The following CLSTN2 variants were observed in gnomAD, a reference collection of about 807,000 sequenced individuals.
The protein encoded by CLSTN2 is calsyntenin-2.
CLSTN2 carries 48 observed loss-of-function variants against 101.2 expected under a neutral mutation model. That is an observed-to-expected ratio of 0.47 (90% CI 0.38 to 0.60). CLSTN2 has a LOEUF of 0.60. Ranked by LOEUF, CLSTN2 falls within the 20% of genes least tolerant of loss-of-function variation. The pLI is 0.00. For synonymous variants in CLSTN2, 481 were observed against 463.6 expected (o/e 1.04, Z -0.48); for missense variants, 1,160 against 1,238.2 (o/e 0.94, Z 0.95).
chr3:140,120,924 C>T (rs536039475), intron 1 of CLSTN2, among the ~76,000 whole-genome samples: 4 of 152,190 alleles, frequency 2.6e-5, no homozygotes, highest in African/African-American at 9.7e-5. Flanking sequence ...CAGGTACACA[C>T]ACATTTTCAA....
At chr3:140,349,838 C>T (rs1054206168) in intron 2 of CLSTN2, among the ~76,000 whole-genome samples, 1 of 152,156 alleles carries the variant, frequency 6.6e-6, no homozygotes, top group Non-Finnish European at 1.5e-5. Context: ...GAGTGAGCAC[C>T]CACCCACCTG....
chr3:139,944,019 C>A (rs1935180058), intron 1 of CLSTN2, among the ~76,000 whole-genome samples: 1 of 152,214 alleles, frequency 6.6e-6, no homozygotes, highest in Admixed American at 6.5e-5. Flanking sequence ...GCCTTCTCTC[C>A]TGTCAGTGAA....
At chr3:140,298,127 A>T (rs1367837648) in intron 2 of CLSTN2, among the ~76,000 whole-genome samples, 1 of 152,234 alleles carries the variant, frequency 6.6e-6, no homozygotes, top group Non-Finnish European at 1.5e-5. Context: ...AATAAAAAAT[A>T]AACTAAATAC....
chr3:140,374,784 T>G (rs1576538574), intron 2 of CLSTN2, among the ~76,000 whole-genome samples: 1 of 152,248 alleles, frequency 6.6e-6, no homozygotes, highest in East Asian at 1.9e-4. Context: ...TCCTGATAGC[T>G]TTCACGTTAG....
chr3:140,086,132 C>T (rs1239339623), intron 1 of CLSTN2, among the ~76,000 whole-genome samples: 1 of 152,198 alleles, frequency 6.6e-6, no homozygotes, highest in Non-Finnish European at 1.5e-5. Flanking sequence ...ACAGGAATGA[C>T]AAATGGATTT....
Position 140,403,651 on chromosome 3 carries a change from C to G in CLSTN2, c.255C>G (p.Ile85Met). ...CAGGGGAAATCTGTGCGTTCAAGATCCATGGCCAGGAGCTGCCCTTTGAGG... is the reference window on the plus strand; with the variant it reads ...CAGGGGAAATCTGTGCGTTCAAGATGCATGGCCAGGAGCTGCCCTTTGAGG... ...PFAGEICAFK[I>M]HGQELPFEAV... The change falls in exon 3 of 17, where the codon ATC (isoleucine) becomes ATG (methionine). Residue 85 changes from isoleucine to methionine, a missense_variant. Transcript: ENST00000458420. The G allele has an allele frequency of 6.2e-7, 1 of 1,612,796 alleles. No homozygotes were observed. Among genetic ancestry groups the G allele is most frequent in the East Asian group, 2.2e-5 (1 of 44,870 alleles).
chr3:140,255,412 A>G (rs2086596530), intron 2 of CLSTN2, among the ~76,000 whole-genome samples: 1 of 152,248 alleles, frequency 6.6e-6, no homozygotes, highest in Non-Finnish European at 1.5e-5. Context: ...ATGCCCATCA[A>G]CAGTGGACTG....
chr3:139,988,467 C>T (rs557145472), intron 1 of CLSTN2, among the ~76,000 whole-genome samples: 6 of 152,112 alleles, frequency 3.9e-5, no homozygotes, highest in Non-Finnish European at 5.9e-5. Flanking sequence ...TTACAAAGTC[C>T]GTTTATTGAG....
intron 2 of CLSTN2, among the ~76,000 whole-genome samples, chr3:140,381,486 C>G (rs2107964618): frequency 6.6e-6 from 1 of 152,318 alleles, no homozygotes; most frequent in South Asian, 2.1e-4. Flanking sequence ...ACTCTGTAAA[C>G]TGGGAGTAAA....
At chr3:140,475,726 G>A (rs1276254262) in intron 8 of CLSTN2, among the ~76,000 whole-genome samples, 2 of 152,050 alleles carry the variant, frequency 1.3e-5, no homozygotes, top group Non-Finnish European at 2.9e-5. Context: ...TTTTCCTGAG[G>A]AGCACCTGCT....
At chr3:139,965,587 G>T (rs536147652) in intron 1 of CLSTN2, among the ~76,000 whole-genome samples, 27 of 152,154 alleles carry the variant, frequency 1.8e-4, no homozygotes, top group African/African-American at 6.0e-4. Context: ...ATGTCATATT[G>T]TATCAAAAGA....
intron 9 of CLSTN2, among the ~76,000 whole-genome samples, chr3:140,535,746 G>T (rs2107781305): frequency 6.6e-6 from 1 of 152,338 alleles, no homozygotes; most frequent in African/African-American, 2.4e-5. Flanking sequence ...TGTAGATAAG[G>T]AAACTGAGGC....
chr3:140,265,305 G>T (rs1004985384), intron 2 of CLSTN2, among the ~76,000 whole-genome samples: 1 of 152,210 alleles, frequency 6.6e-6, no homozygotes, highest in African/African-American at 2.4e-5. Context: ...GCAATGCACA[G>T]GGGGGCTGAG....
chr3:140,242,499 TC>T lies in CLSTN2; in HGVS notation c.232+66427del, dbSNP rs2086478703. Among the ~76,000 whole-genome samples, 5 of 152,142 alleles carry T rather than the reference TC, an allele frequency of 3.3e-5. No homozygotes were observed. The South Asian group carries it at 8.3e-4, about 25-fold the overall frequency. The stretch of plus-strand genomic sequence containing the variant: ...GGTGTGCCTCATCTTGAGCCCCTGT[TC>T]TCTGAGTTCAGCCTCCCAGAGCCCA... On this transcript the variant is annotated intron_variant, in intron 2 of 16. Transcript: ENST00000458420.
chr3:140,223,279 C>A (rs114396985), intron 2 of CLSTN2, among the ~76,000 whole-genome samples: 3,616 of 152,236 alleles, frequency 0.024, 151 homozygotes, highest in African/African-American at 0.083. Flanking sequence ...TGTGGTGCAA[C>A]CCTAATAACA....
intron 2 of CLSTN2, among the ~76,000 whole-genome samples, chr3:140,276,630 C>T (rs1415279837): frequency 6.6e-6 from 1 of 152,250 alleles, no homozygotes; most frequent in Non-Finnish European, 1.5e-5. Flanking sequence ...GGTATCTGGG[C>T]TCCATTTCAC....
intron 8 of CLSTN2, among the ~76,000 whole-genome samples, chr3:140,509,521 G>T (rs946244601): frequency 1.3e-5 from 2 of 152,128 alleles, no homozygotes; most frequent in Non-Finnish European, 1.5e-5. Flanking sequence ...TGTTAAATGA[G>T]GCTTTTCCAA....
intron 10 of CLSTN2, among the ~76,000 whole-genome samples, chr3:140,548,204 G>A (rs982672654): frequency 1.3e-5 from 2 of 152,174 alleles, no homozygotes; most frequent in African/African-American, 4.8e-5. Flanking sequence ...TCTGTTATAG[G>A]CTAGTTTCTG....
At chr3:140,490,531 G>C (rs994694625) in intron 8 of CLSTN2, among the ~76,000 whole-genome samples, 20 of 150,504 alleles carry the variant, frequency 1.3e-4, no homozygotes, top group Admixed American at 6.7e-4. Flanking sequence ...GACACATCGG[G>C]CTGCAGTGAG....
Sources: gnomAD v4.1 joint callset for allele counts (sites outside exome capture counted in the v4.1 genomes callset) on GRCh38, gnomAD v4.1.1 for gene constraint, MANE v1.5 for transcripts, NCBI Gene and HGNC (gene_info 2026-07-23, HGNC 2026-07-21) for gene names.